HTR3E: variants seen among roughly 807,000 people sequenced by gnomAD.
HTR3E encodes the protein 5-hydroxytryptamine receptor 3E, also known as 5-hydroxytryptamine (serotonin) receptor 3, family member E.
Under a neutral mutation model 38.0 loss-of-function variants are expected in HTR3E, and 38 were observed. The ratio of observed to expected loss-of-function variants is 1.00; its 90% CI spans 0.77 to 1.31. The LOEUF (loss-of-function observed/expected upper bound fraction) is 1.31, where lower values mean the gene tolerates loss of function less well. Ranked by LOEUF, HTR3E falls within the 50% of genes most tolerant of loss-of-function variation. The pLI, the probability that HTR3E is intolerant of heterozygous loss-of-function variation, is 0.00. For missense variants in HTR3E, 547 were observed against 585.2 expected (o/e 0.93, Z 0.67); for synonymous variants, 210 against 232.9 (o/e 0.90, Z 0.89).
intron 5 of HTR3E, 42 bp downstream of exon 5, chr3:184,104,998 A>C (rs780008081): frequency 1.9e-6 from 3 of 1,558,278 alleles, no homozygotes; most frequent in Admixed American, 3.7e-5. Flanking sequence ...GAATGAGAGC[A>C]ACCAACAAAT....
In HTR3E at chr3:184,106,978, T is replaced by G. The variant is rs1428876123; in HGVS notation, c.*285T>G. On this transcript the variant is annotated 3_prime_UTR_variant, in exon 9 of 9. Transcript: ENST00000415389. This position sits in a 1 kb window ranked among gnomAD's most constrained non-coding sequence, Gnocchi z 4.1. ...CTCTTCTGTCCGCTGACTTGCCCAA[T>G]AAATAATTCTGCAGAGATTTCTGGC... is the stretch of plus-strand genomic sequence containing the variant. 1 of 348,950 alleles carries G rather than the reference T, an allele frequency of 2.9e-6. No homozygotes were observed. The highest frequency in any genetic ancestry group is 2.1e-5 in the African/African-American group (1 of 47,540). The allele number at this position is 348,950 out of a possible 1,614,324, so 21.6% of individuals were successfully genotyped here.
In HTR3E at chr3:184,106,509, C is replaced by T. The variant is rs565321002; in HGVS notation, c.1187C>T (p.Ala396Val). The T allele has an allele frequency of 1.2e-5, 19 of 1,610,938 alleles. No individual in the cohort carries two copies. Among genetic ancestry groups the T allele is most frequent in the Admixed American group, 5.0e-5 (3 of 59,826 alleles). ...EVSAGQMPGP[A>V]EAELTGGSEW... The stretch of plus-strand genomic sequence containing the variant: ...TCAGCAGGGCAGATGCCGGGCCCTG[C>T]GGAGGCAGAGCTGACAGGGGGCTCA... Residue 396 changes from alanine (A) to valine (V), a missense_variant, in exon 9 of 9, where the codon GCG (alanine) becomes GTG (valine). Coordinates refer to ENST00000415389, the MANE Select transcript of HTR3E (RefSeq NM_001256613.2). The surrounding 1 kb of genome is among the most constrained non-coding windows in gnomAD (Gnocchi z 4.1).
intron 1 of HTR3E, among the ~76,000 whole-genome samples, chr3:184,099,729 A>AAAAAC (rs1553801743): frequency 7.0e-6 from 1 of 143,462 alleles, no homozygotes; most frequent in African/African-American, 2.8e-5. Flanking sequence ...TCAAAAAAAA[A>AAAAAC]AAAAAAAAAA....
Position 184,106,073 on chromosome 3 carries a change from G to T in HTR3E, c.926-55G>T, listed in dbSNP as rs545408664. 7.5e-3 allele frequency: 11,498 copies of T among 1,526,728 alleles called. 62 individuals carry two copies. Among genetic ancestry groups the T allele is most frequent in the Middle Eastern group, 0.015 (88 of 5,784 alleles). 94.6% of individuals were successfully genotyped at this position (1,526,728 alleles called of 1,614,324 possible). ...TATGCCTGCCAGGGTGGGATTGGAAGAGAAGAAATTCTAGGTGGTGCCTCT... is the reference window on the plus strand; with the variant it reads ...TATGCCTGCCAGGGTGGGATTGGAATAGAAGAAATTCTAGGTGGTGCCTCT... On this transcript the variant is annotated intron_variant, in intron 7 of 8. Coordinates refer to ENST00000415389, the MANE Select transcript of HTR3E (RefSeq NM_001256613.2). The surrounding 1 kb of genome is among the most constrained non-coding windows in gnomAD (Gnocchi z 4.1).
intron 3 of HTR3E, among the ~76,000 whole-genome samples, chr3:184,102,032 T>A (rs898735862): frequency 1.3e-5 from 2 of 151,436 alleles, no homozygotes; most frequent in African/African-American, 4.9e-5. Context: ...AGAAAAGGAG[T>A]AAATATATAG....
At chr3:184,104,646 C>T in intron 4 of HTR3E, 141 bp from the exon 5 acceptor site, 1 of 694,836 alleles carries the variant, frequency 1.4e-6, no homozygotes, top group East Asian at 3.0e-5. Context: ...GAGCCCAGGA[C>T]ATGGAAGTTG....
chr3:184,100,732 A>C, intron 2 of HTR3E, 81 bp downstream of exon 2: 1 of 1,546,086 alleles, frequency 6.5e-7, no homozygotes, highest in Non-Finnish European at 8.7e-7. Flanking sequence ...CAAAGCCCTT[A>C]TCCACATTTC....
At position 184,104,823 on chromosome 3, in the gene HTR3E, A is replaced by T. The variant is rs759017148; in HGVS notation, c.426A>T (p.Ala142=). The T allele has an allele frequency of 1.3e-5, 21 of 1,613,926 alleles. No individual in the cohort carries two copies. The highest frequency in any genetic ancestry group is 1.7e-5 in the Non-Finnish European group (20 of 1,179,994). The part of the protein sequence containing the change: ...DVDKTPKGLT[A]YVSNEGRIRY... ...ATAAGACCCCAAAAGGCCTCACAGC[A>T]TATGTAAGTAATGAAGGTCGCATCA... The change falls in exon 5 of 9, where the codon GCA becomes GCT. Residue 142 remains alanine, a synonymous_variant. Coordinates refer to ENST00000415389, the MANE Select transcript of HTR3E (RefSeq NM_001256613.2).
chr3:184,105,660 A>G (rs2108994905), intron 6 of HTR3E, 105 bp from the exon 7 acceptor site: 1 of 1,057,722 alleles, frequency 9.5e-7, no homozygotes, highest in Non-Finnish European at 1.4e-6. Context: ...CCAGGGTGAT[A>G]TCAGGCCAAA....
chr3:184,105,719 T>C (rs1348985426), intron 6 of HTR3E, 46 bp from the exon 7 acceptor site: 1 of 1,455,530 alleles, frequency 6.9e-7, no homozygotes, highest in Admixed American at 1.7e-5. Context: ...GATTTGAGGG[T>C]TCCTCTGACC....
At chr3:184,103,446 G>A (rs542142226) in intron 3 of HTR3E, among the ~76,000 whole-genome samples, 3 of 152,142 alleles carry the variant, frequency 2.0e-5, no homozygotes, top group Admixed American at 6.6e-5. Context: ...TGGCTAACAC[G>A]GTGAAACCCC....
chr3:184,101,955 G>A (rs1258942738), intron 3 of HTR3E, among the ~76,000 whole-genome samples: 1 of 152,176 alleles, frequency 6.6e-6, no homozygotes, highest in Admixed American at 6.5e-5. Context: ...GCGCCACTGC[G>A]CTCCAGGCTG....
At chr3:184,100,888 A>C (rs1711996340) in intron 2 of HTR3E, among the ~76,000 whole-genome samples, 1 of 152,036 alleles carries the variant, frequency 6.6e-6, no homozygotes, top group Non-Finnish European at 1.5e-5. Flanking sequence ...CCAGGTTCTA[A>C]TCTCAGAGGT....
At chr3:184,105,158 T>C in intron 5 of HTR3E, 109 bp from the exon 6 acceptor site, 1 of 1,302,368 alleles carries the variant, frequency 7.7e-7, no homozygotes, top group South Asian at 1.5e-5. Flanking sequence ...TCCTGGCATG[T>C]GGGAGGCACT....
intron 1 of HTR3E, among the ~76,000 whole-genome samples, chr3:184,099,014 G>C (rs1711815492): frequency 6.6e-6 from 1 of 151,986 alleles, no homozygotes; most frequent in Non-Finnish European, 1.5e-5. Context: ...CTGCACTCCA[G>C]CCTGGGTGAC....
chr3:184,098,366 T>C (rs1396186218), intron 1 of HTR3E, among the ~76,000 whole-genome samples: 1 of 152,218 alleles, frequency 6.6e-6, no homozygotes, highest in Non-Finnish European at 1.5e-5. Flanking sequence ...GGAAGCACAG[T>C]GTCTGGCACT....
chr3:184,104,305 G>A lies in HTR3E; in HGVS notation c.389+14G>A. Reference sequence around the variant, plus strand: ...CATCATTGAACTGTGCGTATCAAGGGCTGGTCAGAGGGAAGTCCCATCTCC... The same window carrying A: ...CATCATTGAACTGTGCGTATCAAGGACTGGTCAGAGGGAAGTCCCATCTCC... On this transcript the variant is annotated intron_variant, in intron 4 of 8. Transcript: ENST00000415389. 5 of 1,600,178 alleles carry A rather than the reference G, an allele frequency of 3.1e-6. No individual in the cohort carries two copies. Among genetic ancestry groups the A allele is most frequent in the Non-Finnish European group, 4.3e-6 (5 of 1,173,480 alleles).
intron 1 of HTR3E, among the ~76,000 whole-genome samples, chr3:184,099,048 A>G (rs1711818342): frequency 6.6e-6 from 1 of 151,864 alleles, no homozygotes; most frequent in African/African-American, 2.4e-5. Flanking sequence ...CTCTAAAAAA[A>G]ATTTAAAAAT....
chr3:184,098,530 G>C (rs1711783718), intron 1 of HTR3E, among the ~76,000 whole-genome samples: 1 of 152,172 alleles, frequency 6.6e-6, no homozygotes, highest in African/African-American at 2.4e-5. Flanking sequence ...AGTGTAAATG[G>C]TTATGAAAGC....
Sources: allele counts gnomAD v4.1 joint callset (sites outside exome capture counted in the v4.1 genomes callset), GRCh38; gene constraint gnomAD v4.1.1; non-coding constraint Gnocchi (gnomAD v3.1); transcripts MANE v1.5; gene names NCBI Gene and HGNC (gene_info 2026-07-23, HGNC 2026-07-21).